The following CCSER1 variants were observed in gnomAD, a reference collection of about 807,000 sequenced individuals.
The protein encoded by CCSER1 is serine-rich coiled-coil domain-containing protein 1.
Under a neutral mutation model 82.0 loss-of-function variants are expected in CCSER1, and 41 were observed. The ratio of observed to expected loss-of-function variants is 0.50; its 90% CI spans 0.39 to 0.65. CCSER1 has a LOEUF of 0.65. Among genes scored for constraint, CCSER1 ranks in the 30% least tolerant of loss-of-function variants. CCSER1 has a pLI of 0.00. For missense variants in CCSER1, 1,119 were observed against 1,064.2 expected (o/e 1.05, Z -0.72); for synonymous variants, 414 against 383.9 (o/e 1.08, Z -0.92).
At chr4:90,903,587 C>G (rs1048578483) in intron 8 of CCSER1, among the ~76,000 whole-genome samples, 3 of 152,156 alleles carry the variant, frequency 2.0e-5, no homozygotes, top group Admixed American at 6.6e-5. Context: ...CCTTCCTCCA[C>G]TCAAGGCACA....
intron 5 of CCSER1, among the ~76,000 whole-genome samples, chr4:90,559,671 G>A (rs10004091): frequency 0.27 from 40,646 of 151,458 alleles, 7,991 homozygotes; most frequent in African/African-American, 0.54. Flanking sequence ...AAATACAAAA[G>A]AAATAGCCGG....
At chr4:90,469,540 C>CACACACACACACAT (rs1764081056) in intron 5 of CCSER1, among the ~76,000 whole-genome samples, 1 of 151,132 alleles carries the variant, frequency 6.6e-6, no homozygotes, top group African/African-American at 2.4e-5. Flanking sequence ...CACACACACA[C>CACACACACACACAT]ACACACACAC....
At chr4:90,492,422 G>T (rs555550308) in intron 5 of CCSER1, among the ~76,000 whole-genome samples, 169 of 151,916 alleles carry the variant, frequency 1.1e-3, no homozygotes, top group African/African-American at 3.6e-3. Context: ...TTCTTTATTA[G>T]TCTGGCTAGG....
intron 10 of CCSER1, among the ~76,000 whole-genome samples, chr4:91,485,137 C>T (rs1361380238): frequency 6.6e-6 from 1 of 151,938 alleles, no homozygotes; most frequent in African/African-American, 2.4e-5. Flanking sequence ...TTTCCCATAA[C>T]ATTTCTTTGG....
chr4:91,335,461 T>G (rs1232113191), intron 10 of CCSER1, among the ~76,000 whole-genome samples: 2 of 152,116 alleles, frequency 1.3e-5, no homozygotes, highest in Non-Finnish European at 2.9e-5. Context: ...TTTACTGAGC[T>G]TTTTCTCAAT....
intron 7 of CCSER1, among the ~76,000 whole-genome samples, chr4:90,779,047 G>A (rs1447701348): frequency 6.6e-6 from 1 of 151,948 alleles, no homozygotes; most frequent in East Asian, 1.9e-4. Context: ...TTCCCTCAAT[G>A]GATCTTCCTT....
At chr4:90,331,135 A>C (rs1739200199) in intron 3 of CCSER1, among the ~76,000 whole-genome samples, 1 of 152,080 alleles carries the variant, frequency 6.6e-6, no homozygotes, top group Non-Finnish European at 1.5e-5. Context: ...TTCTGGTTCA[A>C]TAAGCAAGCC....
At chr4:90,993,772 C>A (rs1387055161) in intron 9 of CCSER1, among the ~76,000 whole-genome samples, 2 of 151,978 alleles carry the variant, frequency 1.3e-5, no homozygotes, top group Non-Finnish European at 2.9e-5. Flanking sequence ...TATTTAATTA[C>A]TTCCTAGAAG....
chr4:90,989,907 A>G (rs1736881050), intron 9 of CCSER1, among the ~76,000 whole-genome samples: 1 of 151,812 alleles, frequency 6.6e-6, no homozygotes, highest in Admixed American at 6.6e-5. Flanking sequence ...GGAAATATAT[A>G]GAGCATTAAT....
At chr4:91,444,075 A>G (rs768685786) in intron 10 of CCSER1, among the ~76,000 whole-genome samples, 10 of 152,178 alleles carry the variant, frequency 6.6e-5, no homozygotes, top group Non-Finnish European at 8.8e-5. Context: ...CAATTAATGT[A>G]TACATATAAT....
chr4:90,436,986 A>G (rs10032924), intron 4 of CCSER1, among the ~76,000 whole-genome samples: 451 of 151,874 alleles, frequency 3.0e-3, no homozygotes, highest in African/African-American at 0.011. Flanking sequence ...ACGCCTGGCT[A>G]ATTTTTTTGT....
At chr4:90,252,563 CATA>C (rs1199782373) in intron 1 of CCSER1, among the ~76,000 whole-genome samples, 2 of 151,642 alleles carry the variant, frequency 1.3e-5, no homozygotes, top group African/African-American at 4.8e-5. Context: ...GCATGTAATT[CATA>C]ATAATCACAT....
At chr4:90,866,721 G>A (rs1004955563) in intron 8 of CCSER1, among the ~76,000 whole-genome samples, 1 of 152,008 alleles carries the variant, frequency 6.6e-6, no homozygotes, top group African/African-American at 2.4e-5. Flanking sequence ...TGCAGCAGCA[G>A]TTCCCAAACT....
intron 6 of CCSER1, among the ~76,000 whole-genome samples, chr4:90,704,046 T>G (rs969396777): frequency 6.6e-6 from 1 of 152,200 alleles, no homozygotes; most frequent in African/African-American, 2.4e-5. Context: ...TGCTCATCAG[T>G]TGATGCAGTT....
intron 5 of CCSER1, among the ~76,000 whole-genome samples, chr4:90,513,368 T>TCA (rs1344814630): frequency 6.6e-6 from 1 of 152,148 alleles, no homozygotes. Context: ...CATCAATGAA[T>TCA]TGTAGCTCTC....
intron 1 of CCSER1, among the ~76,000 whole-genome samples, chr4:90,166,343 C>T (rs1730447046): frequency 6.6e-6 from 1 of 151,644 alleles, no homozygotes; most frequent in Non-Finnish European, 1.5e-5. Flanking sequence ...AGGGCACAAC[C>T]CAATCATAAG....
chr4:91,071,650 T>C (rs923372646), intron 9 of CCSER1, among the ~76,000 whole-genome samples: 7 of 152,166 alleles, frequency 4.6e-5, no homozygotes, highest in African/African-American at 1.4e-4. Context: ...TTTGAGTGCA[T>C]TCTCTCTTTT....
chr4:90,944,293 T>C (rs1366747529), intron 9 of CCSER1, among the ~76,000 whole-genome samples: 1 of 151,942 alleles, frequency 6.6e-6, no homozygotes, highest in East Asian at 1.9e-4. Context: ...TGGAAATTTA[T>C]TGTTGGTTAT....
intron 5 of CCSER1, among the ~76,000 whole-genome samples, chr4:90,627,145 T>A (rs915688919): frequency 1.3e-5 from 2 of 152,138 alleles, no homozygotes; most frequent in Admixed American, 1.3e-4. Flanking sequence ...TCTTATCCCT[T>A]CACAGGACAA....
Sources: gnomAD v4.1 joint callset for allele counts (sites outside exome capture counted in the v4.1 genomes callset) on GRCh38, gnomAD v4.1.1 for gene constraint, MANE v1.5 for transcripts, NCBI Gene and HGNC (gene_info 2026-07-23, HGNC 2026-07-21) for gene names.